PSMG2: variants seen among roughly 807,000 people sequenced by gnomAD.
PSMG2 encodes the protein proteasome assembly chaperone 2, also known as CD40 ligand-activated specific transcript 3.
A neutral mutation model predicts 31.5 loss-of-function variants in PSMG2; 21 were observed. The observed-to-expected ratio is 0.67, with a 90% CI of 0.47 to 0.96. PSMG2 has a LOEUF of 0.96. Among genes scored for constraint, PSMG2 ranks in the 40% least tolerant of loss-of-function variants. The pLI, the probability that PSMG2 is intolerant of heterozygous loss-of-function variation, is 0.00. For missense variants in PSMG2, 318 were observed against 321.2 expected (o/e 0.99, Z 0.08); for synonymous variants, 120 against 110.4 (o/e 1.09, Z -0.54).
intron 4 of PSMG2, among the ~76,000 whole-genome samples, chr18:12,720,290 G>A (rs2040418476): frequency 6.6e-6 from 1 of 152,178 alleles, no homozygotes; most frequent in African/African-American, 2.4e-5. Flanking sequence ...GAAAGCTGTG[G>A]GAAATTTTTG....
chr18:12,704,926 A>G (rs1004421829), intron 1 of PSMG2, among the ~76,000 whole-genome samples: 8 of 152,214 alleles, frequency 5.3e-5, no homozygotes, highest in African/African-American at 1.9e-4. Flanking sequence ...ACAGAAAACA[A>G]AAGGAGTTGT....
At chr18:12,668,569 G>C (rs1598606808) in intron 1 of PSMG2, among the ~76,000 whole-genome samples, 1 of 120,832 alleles carries the variant, frequency 8.3e-6, no homozygotes, top group East Asian at 2.8e-4. Context: ...CTGCACTCCA[G>C]CCTGGGAGAC....
intron 1 of PSMG2, chr18:12,686,588 C>T: frequency 1.6e-6 from 1 of 618,820 alleles, no homozygotes; most frequent in Non-Finnish European, 2.8e-6. Context: ...TATTTGGCTG[C>T]AAAGTGCTGT....
upstream of PSMG2, among the ~76,000 whole-genome samples, chr18:12,701,571 G>A (rs1168355674): frequency 2.0e-5 from 3 of 152,052 alleles, no homozygotes; most frequent in Non-Finnish European, 4.4e-5. Context: ...GCCCTCTCAC[G>A]ATAGTGTTGT....
intron 1 of PSMG2, among the ~76,000 whole-genome samples, chr18:12,668,101 C>T (rs1044571065): frequency 6.6e-5 from 10 of 151,508 alleles, no homozygotes; most frequent in Non-Finnish European, 1.3e-4. Flanking sequence ...CCTGTCCCTA[C>T]GAAAAATACA....
At chr18:12,714,770 A>G (rs564858217) in intron 3 of PSMG2, among the ~76,000 whole-genome samples, 1 of 152,046 alleles carries the variant, frequency 6.6e-6, no homozygotes, top group South Asian at 2.1e-4. Flanking sequence ...CAATGGCGTG[A>G]TCTCAGCTCA....
chr18:12,702,864 C>T, upstream of PSMG2: 4 of 574,062 alleles, frequency 7.0e-6, no homozygotes, highest in South Asian at 8.8e-5. Context: ...CCTCAGCGCA[C>T]CCCATCGCCT....
At chr18:12,668,597 C>CAA (rs752216074) in intron 1 of PSMG2, among the ~76,000 whole-genome samples, 1,926 of 72,586 alleles carry the variant, frequency 0.027, 321 homozygotes, top group East Asian at 0.055. Flanking sequence ...GATTCCATCT[C>CAA]AAAAAAAAAA....
At chr18:12,691,559 T>C in intron 1 of PSMG2, 6 of 1,132,246 alleles carry the variant, frequency 5.3e-6, no homozygotes, top group East Asian at 2.6e-5. Context: ...GTAGCAAATT[T>C]ATCTACTTCT....
At chr18:12,669,610 A>C (rs530844197) in intron 1 of PSMG2, among the ~76,000 whole-genome samples, 2 of 152,294 alleles carry the variant, frequency 1.3e-5, no homozygotes, top group African/African-American at 2.4e-5. Flanking sequence ...ATTGTCAAGA[A>C]CACCACCTTG....
intron 1 of PSMG2, chr18:12,671,193 C>T (rs1329717806): frequency 6.6e-6 from 1 of 152,058 alleles, no homozygotes; most frequent in Non-Finnish European, 1.5e-5. Context: ...ATCCTCTGGC[C>T]GCAGCCTCCA....
intron 6 of PSMG2, 177 bp downstream of exon 6, chr18:12,724,796 A>T (rs1348244337): frequency 4.9e-6 from 3 of 610,084 alleles, no homozygotes; most frequent in Non-Finnish European, 7.2e-6. Flanking sequence ...TAACCAACCT[A>T]TTATTTACAG....
At chr18:12,664,272 G>A (rs1313009896) in intron 1 of PSMG2, among the ~76,000 whole-genome samples, 1 of 152,100 alleles carries the variant, frequency 6.6e-6, no homozygotes, top group African/African-American at 2.4e-5. Context: ...GGCCGGGCAT[G>A]GTGGCTCACA....
chr18:12,665,393 G>A (rs112444730), intron 1 of PSMG2, among the ~76,000 whole-genome samples: 2,172 of 152,144 alleles, frequency 0.014, 62 homozygotes, highest in African/African-American at 0.05. Flanking sequence ...TGCCTTATAT[G>A]TATACTTGTG....
upstream of PSMG2, among the ~76,000 whole-genome samples, chr18:12,702,119 G>A (rs113601760): frequency 2.6e-3 from 395 of 152,238 alleles, 1 homozygote; most frequent in African/African-American, 9.1e-3. Context: ...GAGAGACTCC[G>A]TCTCAAGAAA....
chr18:12,668,981 C>G (rs1187804669), intron 1 of PSMG2, among the ~76,000 whole-genome samples: 1 of 145,780 alleles, frequency 6.9e-6, no homozygotes, highest in African/African-American at 2.5e-5. Context: ...TCCAGGTGAT[C>G]TGCCTGCCTC....
upstream of PSMG2, chr18:12,702,412 G>A (rs2040190806): frequency 3.4e-6 from 4 of 1,192,180 alleles, no homozygotes; most frequent in Middle Eastern, 2.4e-4. Flanking sequence ...GCCGCTGTCG[G>A]CCCGGGGCCG....
At chr18:12,681,708 C>G (rs2039355304) in intron 1 of PSMG2, among the ~76,000 whole-genome samples, 2 of 151,602 alleles carry the variant, frequency 1.3e-5, no homozygotes, top group African/African-American at 2.4e-5. Flanking sequence ...AAATGACTGG[C>G]AAGAACAACA....
chr18:12,725,558 C>G lies in PSMG2; in HGVS notation c.*27C>G, dbSNP rs754939856. On this transcript the variant is annotated 3_prime_UTR_variant, in exon 7 of 7. Transcript: ENST00000317615. Reference sequence around the variant, plus strand: ...CTAATTTCTGTTTTATACCTTATACCCAAAACACTTACTACCAACACAGCT... The same window carrying G: ...CTAATTTCTGTTTTATACCTTATACGCAAAACACTTACTACCAACACAGCT... 1.3e-6 allele frequency: 2 copies of G among 1,495,160 alleles called. No homozygotes were observed. Among genetic ancestry groups the G allele is most frequent in the Non-Finnish European group, 1.9e-6 (2 of 1,079,344 alleles). The allele number at this position is 1,495,160 out of a possible 1,614,324, so 92.6% of individuals were successfully genotyped here. A position where few individuals can be genotyped will look rare whatever the true frequency, so the allele number is the denominator to read the frequency against.
Sources: allele counts gnomAD v4.1 joint callset (sites outside exome capture counted in the v4.1 genomes callset), GRCh38; gene constraint gnomAD v4.1.1; transcripts MANE v1.5; gene names NCBI Gene and HGNC (gene_info 2026-07-23, HGNC 2026-07-21).